The following RTKN2 variants were observed in gnomAD, a reference collection of about 807,000 sequenced individuals.
RTKN2 encodes the protein rhotekin 2, also known as rhotekin-2.
A neutral mutation model predicts 71.5 loss-of-function variants in RTKN2; 69 were observed. The ratio of observed to expected loss-of-function variants is 0.96; its 90% CI spans 0.79 to 1.18. The LOEUF (loss-of-function observed/expected upper bound fraction) is 1.18. Among genes scored for constraint, RTKN2 ranks in the 50% most tolerant of loss-of-function variants. The probability of loss-of-function intolerance (pLI) is 0.00; values close to 1 mark genes in which losing one functional copy is unlikely to be tolerated. For synonymous variants in RTKN2, 236 were observed against 236.5 expected (o/e 1.00, Z 0.02); for missense variants, 724 against 719.7 (o/e 1.01, Z -0.07).
intron 9 of RTKN2, among the ~76,000 whole-genome samples, chr10:62,214,031 T>G (rs1228610085): frequency 6.6e-6 from 1 of 151,866 alleles, no homozygotes; most frequent in East Asian, 1.9e-4. Context: ...AAGCCTGAAG[T>G]AGAAGAACTA....
intron 3 of RTKN2, 62 bp downstream of exon 3, chr10:62,245,937 T>C: frequency 9.7e-7 from 1 of 1,034,812 alleles, no homozygotes; most frequent in South Asian, 1.5e-5. Context: ...TAAAACAAAA[T>C]CCACCATGTA....
intron 9 of RTKN2, among the ~76,000 whole-genome samples, chr10:62,213,151 G>A (rs1227854180): frequency 1.3e-5 from 2 of 152,192 alleles, no homozygotes; most frequent in African/African-American, 2.4e-5. Context: ...AGAATCTTCC[G>A]TGTAATAAGT....
intron 9 of RTKN2, among the ~76,000 whole-genome samples, chr10:62,214,209 T>G (rs1216996035): frequency 1.3e-5 from 2 of 151,934 alleles, no homozygotes; most frequent in Non-Finnish European, 2.9e-5. Flanking sequence ...AATAAATATA[T>G]CTTTCCAACC....
At chr10:62,186,154 T>C (rs1489194263) in intron 8 of RTKN2, among the ~76,000 whole-genome samples, 3 of 152,268 alleles carry the variant, frequency 2.0e-5, no homozygotes, top group East Asian at 3.8e-4. Context: ...GTTTGCTCCA[T>C]GCCTTGGCTC....
intron 2 of RTKN2, among the ~76,000 whole-genome samples, chr10:62,252,281 T>A (rs1564526452): frequency 2.0e-5 from 3 of 152,012 alleles, no homozygotes; most frequent in Admixed American, 1.3e-4. Flanking sequence ...TTAATAACAA[T>A]ACAATGGAGC....
In RTKN2 at chr10:62,254,328, C is replaced by T. The variant is rs117009629; in HGVS notation, c.258-8271G>A. Among the ~76,000 whole-genome samples the T allele has an allele frequency of 5.5e-3, 842 of 152,170 alleles. 10 individuals carry two copies. The highest frequency in any genetic ancestry group is 8.8e-3 in the Non-Finnish European group (600 of 68,008). ...TGTAGCATTTCCCCATTAGTTCGCTCGCTCTTCCGTCGCCATGTGAAGGAA... is the reference window on the plus strand; with the variant it reads ...TGTAGCATTTCCCCATTAGTTCGCTTGCTCTTCCGTCGCCATGTGAAGGAA... On this transcript the variant is annotated intron_variant, in intron 2 of 11. Transcript: ENST00000373789.
intron 10 of RTKN2, among the ~76,000 whole-genome samples, chr10:62,204,633 G>A (rs531288417): frequency 1.3e-5 from 2 of 152,296 alleles, no homozygotes; most frequent in South Asian, 4.1e-4. Flanking sequence ...GCTTCAAAAA[G>A]TAGGAGGTAG....
At chr10:62,251,139 C>CTA (rs1375662915) in intron 2 of RTKN2, among the ~76,000 whole-genome samples, 5 of 152,156 alleles carry the variant, frequency 3.3e-5, no homozygotes, top group African/African-American at 9.7e-5. Context: ...TAGCCTAATG[C>CTA]TATACCACAA....
chr10:62,206,483 A>G (rs1841551879), intron 9 of RTKN2, among the ~76,000 whole-genome samples: 1 of 152,134 alleles, frequency 6.6e-6, no homozygotes, highest in African/African-American at 2.4e-5. Flanking sequence ...TACACAAGGA[A>G]TTCCCTTCTG....
rs1842917992 is a variant in RTKN2 at position 62,268,777 on chromosome 10, C to CGG, written c.-168_-167insCC. On this transcript the variant is annotated 5_prime_UTR_variant, in exon 1 of 12. Transcript: ENST00000373789. ...CGGGCCGAAGCGCACGCGCAGTGGG[C>CGG]GCGCCTTGCGCTCTGCAGCTCCCGC... 11 of 664,210 alleles carry CGG rather than the reference C, an allele frequency of 1.7e-5. No homozygotes were observed. The East Asian group carries it at 3.1e-4, about 18-fold the overall frequency. 41.1% of individuals were successfully genotyped at this position (664,210 alleles called of 1,614,324 possible).
intron 10 of RTKN2, among the ~76,000 whole-genome samples, chr10:62,203,502 G>A (rs1316253460): frequency 1.3e-5 from 2 of 152,124 alleles, no homozygotes; most frequent in East Asian, 3.9e-4. Flanking sequence ...GTGCCATCAC[G>A]CCTGGCTAAT....
In RTKN2 at chr10:62,268,630, G is replaced by A; in HGVS notation, c.-20C>T. The A allele has an allele frequency of 6.4e-7, 1 of 1,551,886 alleles. No homozygotes were observed. Among genetic ancestry groups the A allele is most frequent in the African/African-American group, 1.4e-5 (1 of 73,264 alleles). ...CTCCATCTCCAACGCGAACTGTCCG[G>A]GCCGTCGCCACTCCTTCAAAGGGAA... On this transcript the variant is annotated 5_prime_UTR_variant, in exon 1 of 12. Coordinates refer to ENST00000373789, the MANE Select transcript of RTKN2 (RefSeq NM_145307.4).
intron 6 of RTKN2, among the ~76,000 whole-genome samples, chr10:62,231,842 G>A (rs1284444584): frequency 6.6e-6 from 1 of 152,096 alleles, no homozygotes; most frequent in East Asian, 1.9e-4. Flanking sequence ...AGAAATCTTC[G>A]CATTGACCTA....
At chr10:62,237,329 A>C (rs1417037476) in intron 5 of RTKN2, among the ~76,000 whole-genome samples, 43 of 151,998 alleles carry the variant, frequency 2.8e-4, no homozygotes, top group Non-Finnish European at 4.4e-5. Context: ...TTATGGGAAA[A>C]AAAATAAGAA....
chr10:62,262,880 T>C (rs1214736139), intron 1 of RTKN2, 59 bp from the exon 2 acceptor site: 17 of 1,088,040 alleles, frequency 1.6e-5, no homozygotes, highest in African/African-American at 3.2e-5. Context: ...TCTTAACCCA[T>C]AATAGATCGA....
chr10:62,223,593 T>C (rs1841956579), intron 6 of RTKN2, among the ~76,000 whole-genome samples: 2 of 152,122 alleles, frequency 1.3e-5, no homozygotes. Flanking sequence ...TCATCAGTCA[T>C]TGGGGAAATG....
rs563212403 is a variant in RTKN2, at chr10:62,262,847, T to C, written c.61-26A>G. On this transcript the variant is annotated intron_variant, in intron 1 of 11. Transcript: ENST00000373789. ...CTAAAAAAAAAATGCATCTTGAAAATATAGCAAAAACCCAAAATTACATCT... is the reference window on the plus strand; with the variant it reads ...CTAAAAAAAAAATGCATCTTGAAAACATAGCAAAAACCCAAAATTACATCT... The C allele has an allele frequency of 5.8e-6, 9 of 1,544,004 alleles. No individual in the cohort carries two copies. The East Asian group carries it at 9.1e-5, about 16-fold the overall frequency.
Position 62,198,250 on chromosome 10 carries a change from A to G in RTKN2, c.1488T>C (p.Asp496=). ...GAGCTTGTCTCTTTTTCCCTTTTTC[A>G]TCATGTAATGGCTCACTTGCAGGAT... is the stretch of plus-strand genomic sequence containing the variant. The part of the protein sequence containing the change: ...VLYPASEPLH[D]EKGKKRQAPL... Residue 496 remains aspartate (D), a synonymous_variant, in exon 12 of 12, where the codon GAT becomes GAC. Transcript: ENST00000373789. 2 of 1,613,958 alleles carry G rather than the reference A, an allele frequency of 1.2e-6. No individual in the cohort carries two copies. The highest frequency in any genetic ancestry group is 1.3e-5 in the African/African-American group (1 of 75,016).
intron 2 of RTKN2, among the ~76,000 whole-genome samples, chr10:62,258,856 T>C (rs1279785061): frequency 6.6e-6 from 1 of 152,190 alleles, no homozygotes; most frequent in Non-Finnish European, 1.5e-5. Context: ...AGGTTCTTTT[T>C]TGGACGGAGT....
Sources: allele counts gnomAD v4.1 joint callset (sites outside exome capture counted in the v4.1 genomes callset), GRCh38; gene constraint gnomAD v4.1.1; transcripts MANE v1.5; gene names NCBI Gene and HGNC (gene_info 2026-07-23, HGNC 2026-07-21).